The following MAPKAPK3 variants were observed in gnomAD, a reference collection of about 807,000 sequenced individuals.
The protein encoded by MAPKAPK3 is MAP kinase-activated protein kinase 3.
In MAPKAPK3, 35 loss-of-function variants were observed where a neutral mutation model predicts 49.2. That is an observed-to-expected ratio of 0.71 (90% confidence interval 0.54 to 0.94). The LOEUF is 0.94. Ranked by LOEUF, MAPKAPK3 falls within the 40% of genes least tolerant of loss-of-function variation. MAPKAPK3 has a pLI of 0.00. For synonymous variants in MAPKAPK3, 178 were observed against 188.7 expected (o/e 0.94, Z 0.46); for missense variants, 398 against 493.1 (o/e 0.81, Z 1.83).
chr3:50,622,086 G>A (rs1032219926), intron 2 of MAPKAPK3, among the ~76,000 whole-genome samples: 3 of 152,216 alleles, frequency 2.0e-5, no homozygotes, highest in Non-Finnish European at 4.4e-5. Flanking sequence ...CTCTGGGACA[G>A]TTTCCTTCCC....
In MAPKAPK3 at chr3:50,645,780, C is replaced by T. The variant is rs1159869610; in HGVS notation, c.699C>T (p.Tyr233=). The change falls in exon 7 of 11, where the codon TAC becomes TAT. Residue 233 remains tyrosine (Y), a synonymous_variant. Transcript: ENST00000621469. The part of the protein sequence containing the change: ...CDMWSLGVIM[Y]ILLCGFPPFY... ...TGTGGTCCCTGGGTGTCATCATGTA[C>T]ATCCTGTGAGTACCTTCCCCACCCC... 3 of 1,614,052 alleles carry T rather than the reference C, an allele frequency of 1.9e-6. No homozygotes were observed. Among genetic ancestry groups the T allele is most frequent in the Admixed American group, 1.7e-5 (1 of 60,018 alleles).
At chr3:50,631,386 T>C (rs1191845620) in intron 2 of MAPKAPK3, among the ~76,000 whole-genome samples, 1 of 152,182 alleles carries the variant, frequency 6.6e-6, no homozygotes, top group Non-Finnish European at 1.5e-5. Context: ...GCTGAAGCTT[T>C]AAGAAGGAAA....
At chr3:50,615,949 C>T, upstream of MAPKAPK3, among the ~76,000 whole-genome samples, 1 of 152,396 alleles carries the variant, frequency 6.6e-6, no homozygotes, top group Non-Finnish European at 1.5e-5. Flanking sequence ...TGAGCCTGCA[C>T]ATGCAGCCCA....
chr3:50,648,631 G>A lies in MAPKAPK3; in HGVS notation c.*585G>A, dbSNP rs1385025. The A allele has an allele frequency of 0.77, 118,804 of 153,520 alleles. 47,142 individuals carry two copies. Among genetic ancestry groups the A allele is most frequent in the Middle Eastern group, 0.9 (264 of 294 alleles). The allele number at this position is 153,520 out of a possible 1,614,324, so 9.5% of individuals were successfully genotyped here. On this transcript the variant is annotated 3_prime_UTR_variant, in exon 11 of 11. Transcript: ENST00000621469. Reference sequence around the variant, plus strand: ...CTTGGGCCCTGAGGCTGCTGGATCCGGTCTGCCTGCCTCCCTGTGCAGTCC... The same window carrying A: ...CTTGGGCCCTGAGGCTGCTGGATCCAGTCTGCCTGCCTCCCTGTGCAGTCC...
chr3:50,645,605 C>A, intron 6 of MAPKAPK3, 105 bp from the exon 7 acceptor site: 1 of 827,886 alleles, frequency 1.2e-6, no homozygotes, highest in Admixed American at 2.1e-5. Flanking sequence ...TCTGCCCTAC[C>A]TCCCAGCCCA....
chr3:50,646,642 T>C lies in MAPKAPK3; in HGVS notation c.830-98T>C. 2.8e-6 allele frequency: 3 copies of C among 1,079,368 alleles called. No homozygotes were observed. In the South Asian group the frequency reaches 3.9e-5, roughly 14 times the overall value. The allele number at this position is 1,079,368 out of a possible 1,614,324, so 66.9% of individuals were successfully genotyped here. The stretch of plus-strand genomic sequence containing the variant: ...TGTGGGTTGGGAATTTGGGAGCACA[T>C]GCAGCCCCTGCCCCAGCAGAGCTTG... On this transcript the variant is annotated intron_variant, in intron 8 of 10. Coordinates refer to ENST00000621469, the MANE Select transcript of MAPKAPK3 (RefSeq NM_001243925.2).
chr3:50,646,947 G>A (rs2033314642), intron 9 of MAPKAPK3, 122 bp downstream of exon 9: 1 of 1,078,648 alleles, frequency 9.3e-7, no homozygotes, highest in South Asian at 1.4e-5. Context: ...ATGCACACAG[G>A]TAGATACTAG....
chr3:50,637,371 C>T (rs971680929), intron 2 of MAPKAPK3, among the ~76,000 whole-genome samples: 3 of 151,250 alleles, frequency 2.0e-5, no homozygotes, highest in African/African-American at 4.9e-5. Flanking sequence ...AGGGGCCGGG[C>T]GTGGTGGCTC....
chr3:50,648,179 C>A lies in MAPKAPK3; in HGVS notation c.*133C>A. On this transcript the variant is annotated 3_prime_UTR_variant, in exon 11 of 11. Coordinates refer to ENST00000621469, the MANE Select transcript of MAPKAPK3 (RefSeq NM_001243925.2). ...TTTTGTTGTGTTTTAATTTGTCACT[C>A]GGAACTTCAGGATGGAGGACCCTGA... The A allele has an allele frequency of 3.0e-6, 3 of 995,562 alleles. No homozygotes were observed. The highest frequency in any genetic ancestry group is 4.3e-6 in the Non-Finnish European group (3 of 691,004). 61.7% of individuals were successfully genotyped at this position (995,562 alleles called of 1,614,324 possible).
chr3:50,644,619 G>A, intron 6 of MAPKAPK3, 87 bp downstream of exon 6: 1 of 1,425,136 alleles, frequency 7.0e-7, no homozygotes. Flanking sequence ...AGAAACCAAA[G>A]GGTTAAAGCC....
At position 50,617,892 on chromosome 3, in the gene MAPKAPK3, A is replaced by G. The variant is rs1314783411; in HGVS notation, c.219+108A>G. On this transcript the variant is annotated intron_variant, in intron 2 of 10. Coordinates refer to ENST00000621469, the MANE Select transcript of MAPKAPK3 (RefSeq NM_001243925.2). ...TGCTAAGCTTCCTATGCTCAGCAACATGTTTCATCGTCATACTGTCCTGTA... is the reference window on the plus strand; with the variant it reads ...TGCTAAGCTTCCTATGCTCAGCAACGTGTTTCATCGTCATACTGTCCTGTA... 1.6e-5 allele frequency: 13 copies of G among 824,474 alleles called. No homozygotes were observed. The East Asian group carries it at 2.0e-4, about 13-fold the overall frequency. 51.1% of individuals were successfully genotyped at this position (824,474 alleles called of 1,614,324 possible). A position where few individuals can be genotyped will look rare whatever the true frequency, so the allele number is the denominator to read the frequency against.
At chr3:50,633,931 A>G (rs3804632) in intron 2 of MAPKAPK3, among the ~76,000 whole-genome samples, 118,189 of 152,190 alleles carry the variant, frequency 0.78, 47,095 homozygotes, top group Middle Eastern at 0.89. Context: ...TAGTGGTGAT[A>G]GTGAGGGGCC....
intron 8 of MAPKAPK3, 139 bp from the exon 9 acceptor site, chr3:50,646,601 G>A: frequency 1.3e-6 from 1 of 768,094 alleles, no homozygotes; most frequent in Non-Finnish European, 2.3e-6. Flanking sequence ...AGAAATAGTT[G>A]TTAGCTCACT....
At chr3:50,647,288 G>A in intron 10 of MAPKAPK3, 85 bp downstream of exon 10, 1 of 1,140,234 alleles carries the variant, frequency 8.8e-7, no homozygotes, top group East Asian at 2.6e-5. Flanking sequence ...CAGGGTCTGG[G>A]GTCTTTGGCC....
Position 50,644,428 on chromosome 3 carries a change from C to T in MAPKAPK3, c.524C>T (p.Thr175Ile). 1 of 1,614,234 alleles carries T rather than the reference C, an allele frequency of 6.2e-7. No homozygotes were observed. The highest frequency in any genetic ancestry group is 8.5e-7 in the Non-Finnish European group (1 of 1,180,042). ...GCCCAGCCTGAAAACCTACTCTACA[C>T]ATCTAAGGAGAAAGACGCAGTGCTT... ...RDVKPENLLY[T>I]SKEKDAVLKL... The change falls in exon 6 of 11, where the codon ACA (threonine) becomes ATA (isoleucine). Residue 175 changes from threonine to isoleucine, a missense_variant. Around this residue, in one of 5 missense-constraint regions of MAPKAPK3, gnomAD observed 41 missense variants for 35.8 expected, o/e 1.15. Transcript: ENST00000621469.
chr3:50,623,594 C>A (rs191397668), intron 2 of MAPKAPK3, among the ~76,000 whole-genome samples: 3 of 152,336 alleles, frequency 2.0e-5, no homozygotes, highest in Non-Finnish European at 2.9e-5. Context: ...TTCTGCCCAG[C>A]GGGCCCTGTC....
intron 3 of MAPKAPK3, among the ~76,000 whole-genome samples, chr3:50,640,882 A>T (rs1310826209): frequency 6.6e-6 from 1 of 152,184 alleles, no homozygotes; most frequent in Non-Finnish European, 1.5e-5. Context: ...TGACCTGGGT[A>T]TGTGCTCCCA....
At position 50,644,421 on chromosome 3, in the gene MAPKAPK3, C is replaced by T. The variant is rs773801086; in HGVS notation, c.517C>T (p.Leu173Phe). 68 of 1,614,094 alleles carry T rather than the reference C, an allele frequency of 4.2e-5. No homozygotes were observed. The highest frequency in any genetic ancestry group is 5.6e-5 in the Non-Finnish European group (66 of 1,180,044). ...CTTTCTGGCCCAGCCTGAAAACCTA[C>T]TCTACACATCTAAGGAGAAAGACGC... The part of the protein sequence containing the change: ...AHRDVKPENL[L>F]YTSKEKDAVL... Residue 173 changes from leucine to phenylalanine, a missense_variant, in exon 6 of 11, where the codon CTC (leucine) becomes TTC (phenylalanine). By Grantham distance (22) the Leu-to-Phe change is conservative. Transcript: ENST00000621469.
chr3:50,644,636 G>A, intron 6 of MAPKAPK3, 104 bp downstream of exon 6: 2 of 1,208,396 alleles, frequency 1.7e-6, no homozygotes, highest in Non-Finnish European at 2.3e-6. Context: ...AGCCCAGCAA[G>A]GAGGGAGGGG....
Sources: allele counts gnomAD v4.1 joint callset (sites outside exome capture counted in the v4.1 genomes callset), GRCh38; gene constraint gnomAD v4.1.1; regional missense constraint gnomAD v4.1.1; transcripts MANE v1.5; gene names NCBI Gene and HGNC (gene_info 2026-07-23, HGNC 2026-07-21).